CNN1: variants seen among roughly 807,000 people sequenced by gnomAD.
CNN1 encodes the protein calponin 1, also known as calponin-1.
CNN1 carries 21 observed loss-of-function variants against 35.3 expected under a neutral mutation model. That is an observed-to-expected ratio of 0.60 (90% CI 0.42 to 0.86). The LOEUF is 0.86. CNN1 is among the 40% of genes least tolerant of loss of function. CNN1 has a pLI of 0.00. For missense variants in CNN1, 314 were observed against 400.8 expected (o/e 0.78, Z 1.85); for synonymous variants, 164 against 161.8 (o/e 1.01, Z -0.10).
rs377568799 is a variant in CNN1 at position 11,549,193 on chromosome 19, A to AAAAAAAAAAAAT, written c.502-127_502-126insAAAAAAAATAAA. On this transcript the variant is annotated intron_variant, in intron 5 of 6. Coordinates refer to ENST00000252456, the MANE Select transcript of CNN1 (RefSeq NM_001299.6). This position sits in a 1 kb window ranked among gnomAD's most constrained non-coding sequence, Gnocchi z 5.2. Reference sequence around the variant, plus strand: ...ACAGAGCAAGACTCCGTCTCAAAAAAAAATAAATAAAATAAAATAAAAATT... The same window carrying AAAAAAAAAAAAT: ...ACAGAGCAAGACTCCGTCTCAAAAAAAAAAAAAAAAATAAATAAATAAAATAAAATAAAAATT... 424 of 1,066,028 alleles carry AAAAAAAAAAAAT rather than the reference A, an allele frequency of 4.0e-4. 1 individual carries two copies. In the African/African-American group the frequency reaches 6.3e-3, roughly 16 times the overall value. 66.0% of individuals were successfully genotyped at this position (1,066,028 alleles called of 1,614,324 possible).
At chr19:11,539,595 C>T (rs1972412386) in intron 1 of CNN1, 1 of 839,540 alleles carries the variant, frequency 1.2e-6, no homozygotes, top group African/African-American at 1.8e-5. Context: ...CCTGGACTCA[C>T]CCCCCATACA....
At chr19:11,544,641 C>T (rs1238483968) in intron 2 of CNN1, among the ~76,000 whole-genome samples, 2 of 151,614 alleles carry the variant, frequency 1.3e-5, no homozygotes, top group Non-Finnish European at 2.9e-5. Context: ...CACACATCAC[C>T]ACGCCCGGTG....
In CNN1 at chr19:11,546,497, G is replaced by A. The variant is rs180934212; in HGVS notation, c.186-178G>A. 2.5e-4 allele frequency among the ~76,000 whole-genome samples: 38 copies of A among 152,102 alleles called. No homozygotes were observed. In the East Asian group the frequency reaches 6.4e-3, roughly 26 times the overall value. On this transcript the variant is annotated intron_variant, in intron 2 of 6. Transcript: ENST00000252456. ...AGTACAGGCATGTGCCACCACGCCT[G>A]GCTAATTTTTGTATTTTTAGTAGAG...
At chr19:11,543,963 CTCAT>C (rs141056725) in intron 2 of CNN1, among the ~76,000 whole-genome samples, 4 of 151,414 alleles carry the variant, frequency 2.6e-5, no homozygotes, top group African/African-American at 7.3e-5. Flanking sequence ...CGGTCATTCA[CTCAT>C]TCATTCATTC....
intron 2 of CNN1, among the ~76,000 whole-genome samples, chr19:11,546,299 T>TGCTGG (rs1972580077): frequency 1.3e-5 from 2 of 150,884 alleles, no homozygotes; most frequent in South Asian, 4.1e-4. Context: ...ACCCTCCTCC[T>TGCTGG]GCTGGGCTGG....
chr19:11,548,450 G>A (rs182210127), intron 5 of CNN1, among the ~76,000 whole-genome samples: 251 of 152,364 alleles, frequency 1.6e-3, no homozygotes, highest in Middle Eastern at 3.4e-3. Context: ...TTAGGAGGCT[G>A]AAGTGGGAGA....
chr19:11,545,499 G>A (rs1429108479), intron 2 of CNN1, among the ~76,000 whole-genome samples: 2 of 146,942 alleles, frequency 1.4e-5, no homozygotes, highest in African/African-American at 2.5e-5. Context: ...GGTGGAGGGA[G>A]GGGGGAGTCT....
intron 1 of CNN1, 102 bp downstream of exon 1, chr19:11,539,092 T>G: frequency 8.7e-6 from 10 of 1,146,390 alleles, no homozygotes; most frequent in Non-Finnish European, 1.1e-5. Context: ...CTATGTGACT[T>G]GGAAACTGAG....
chr19:11,547,682 C>T (rs1370085997), intron 4 of CNN1, 115 bp from the exon 5 acceptor site: 5 of 771,200 alleles, frequency 6.5e-6, no homozygotes, highest in Non-Finnish European at 1.0e-5. Context: ...CACTGCACTC[C>T]AGCCTGGGCA....
intron 1 of CNN1, chr19:11,539,804 C>T: frequency 4.4e-6 from 4 of 919,394 alleles, no homozygotes; most frequent in South Asian, 4.1e-5. Context: ...GATCTCGGGG[C>T]TGGAGGAGGG....
chr19:11,539,041 A>G (rs1972400934), intron 1 of CNN1, 51 bp downstream of exon 1: 2 of 1,459,618 alleles, frequency 1.4e-6, no homozygotes, highest in Admixed American at 4.7e-5. Flanking sequence ...GCCAGGCCAG[A>G]GCCCTGAGCT....
intron 1 of CNN1, chr19:11,539,432 G>A: frequency 9.3e-7 from 1 of 1,073,934 alleles, no homozygotes; most frequent in Non-Finnish European, 1.1e-6. Flanking sequence ...TGAAAGGCAG[G>A]AAGCGGGCAT....
At position 11,538,856 on chromosome 19, in the gene CNN1, C is replaced by T. The variant is rs541786143; in HGVS notation, c.-72C>T. ...ATGTGAGGAGGGAAGAGTGTGCAGA[C>T]GGAACTTCAGCCGCTGCCTCTGTTC... is the stretch of plus-strand genomic sequence containing the variant. On this transcript the variant is annotated 5_prime_UTR_variant, in exon 1 of 7. The change creates a new upstream start codon in the 5' untranslated region. Coordinates refer to ENST00000252456, the MANE Select transcript of CNN1 (RefSeq NM_001299.6). 69 of 1,319,204 alleles carry T rather than the reference C, an allele frequency of 5.2e-5. No homozygotes were observed. In the South Asian group the frequency reaches 9.5e-4, roughly 18 times the overall value. 81.7% of individuals were successfully genotyped at this position (1,319,204 alleles called of 1,614,324 possible).
chr19:11,544,421 T>C lies in CNN1; in HGVS notation c.186-2254T>C, dbSNP rs1415681212. 4.0e-5 allele frequency among the ~76,000 whole-genome samples: 6 copies of C among 151,750 alleles called. No homozygotes were observed. In the East Asian group the frequency reaches 1.2e-3, roughly 29 times the overall value. On this transcript the variant is annotated intron_variant, in intron 2 of 6. Transcript: ENST00000252456. ...CGAGCACCAAATGATTGAGCAGAAG[T>C]GGAGATGAAGTCGCAGAGTGAACTG...
At chr19:11,539,805 T>A in intron 1 of CNN1, 1 of 835,784 alleles carries the variant, frequency 1.2e-6, no homozygotes, top group South Asian at 5.1e-5. Context: ...ATCTCGGGGC[T>A]GGAGGAGGGG....
At chr19:11,547,351 C>G (rs1028251074) in intron 4 of CNN1, among the ~76,000 whole-genome samples, 1 of 150,082 alleles carries the variant, frequency 6.7e-6, no homozygotes, top group Non-Finnish European at 1.5e-5. Context: ...GAGCCGAGAT[C>G]GTGCCACTGC....
At chr19:11,541,967 T>A (rs1972474431) in intron 2 of CNN1, 1 of 146,074 alleles carries the variant, frequency 6.8e-6, no homozygotes, top group Non-Finnish European at 1.5e-5. Flanking sequence ...CTTGAACTCC[T>A]GACTTCAAGT....
intron 5 of CNN1, among the ~76,000 whole-genome samples, chr19:11,548,218 C>T (rs1317437932): frequency 1.3e-5 from 2 of 152,176 alleles, no homozygotes; most frequent in Non-Finnish European, 2.9e-5. Flanking sequence ...GTGATAGGCC[C>T]ACTCTGGGCC....
In CNN1 at chr19:11,549,623, T is replaced by C; in HGVS notation, c.722T>C (p.Leu241Pro). 6.2e-7 allele frequency: 1 copy of C among 1,613,012 alleles called. No individual in the cohort carries two copies. Among genetic ancestry groups the C allele is most frequent in the Non-Finnish European group, 8.5e-7 (1 of 1,179,368 alleles). ...PGLGMEHCDT[L>P]NVSLQMGSNK... Reference sequence around the variant, plus strand: ...CTGGGCATGGAGCACTGCGACACGCTCAATGTCAGCCTGCAGATGGGCAGC... The same window carrying C: ...CTGGGCATGGAGCACTGCGACACGCCCAATGTCAGCCTGCAGATGGGCAGC... The change falls in exon 7 of 7, where the codon CTC becomes CCC. Residue 241 changes from leucine to proline, a missense_variant. Transcript: ENST00000252456. The surrounding 1 kb of genome is among the most constrained non-coding windows in gnomAD (Gnocchi z 5.2).
Sources: gnomAD v4.1 joint callset for allele counts (sites outside exome capture counted in the v4.1 genomes callset) on GRCh38, gnomAD v4.1.1 for gene constraint, Gnocchi (gnomAD v3.1) non-coding constraint, MANE v1.5 for transcripts, NCBI Gene and HGNC (gene_info 2026-07-23, HGNC 2026-07-21) for gene names.